Variants in PPFIA2 observed in about 807,000 individuals in gnomAD.
PPFIA2 encodes the protein liprin-alpha-2.
PPFIA2 carries 46 observed loss-of-function variants against 175.5 expected under a neutral mutation model. That is an observed-to-expected ratio of 0.26 (90% CI 0.21 to 0.34). PPFIA2 has a LOEUF of 0.34. PPFIA2 is among the 10% of genes least tolerant of loss of function. PPFIA2 has a pLI of 1.00. For missense variants in PPFIA2, 1,179 were observed against 1,506.1 expected, an observed-to-expected ratio of 0.78 and a Z score of 3.60; for synonymous variants, 568 against 511.4, an observed-to-expected ratio of 1.11 and a Z score of -1.49.
At chr12:81,285,322 G>T (rs1464206557) in intron 24 of PPFIA2, among the ~76,000 whole-genome samples, 1 of 151,958 alleles carries the variant, frequency 6.6e-6, no homozygotes, top group Non-Finnish European at 1.5e-5. Context: ...TTTGGGGAGG[G>T]TCCAATCTTT....
intron 4 of PPFIA2, among the ~76,000 whole-genome samples, chr12:81,492,866 GA>G (rs1360165050): frequency 6.6e-6 from 1 of 152,068 alleles, no homozygotes; most frequent in African/African-American, 2.4e-5. Context: ...AAATCAATGA[GA>G]GGACTATTGA....
intron 4 of PPFIA2, among the ~76,000 whole-genome samples, chr12:81,466,806 C>T (rs539136421): frequency 5.3e-5 from 8 of 151,168 alleles, no homozygotes; most frequent in Admixed American, 1.3e-4. Context: ...TGCATTGCTT[C>T]TGTGGGCCCT....
Position 81,331,051 on chromosome 12 carries a change from A to G in PPFIA2, c.2549-5181T>C, listed in dbSNP as rs1171746119. 3.3e-5 allele frequency among the ~76,000 whole-genome samples: 5 copies of G among 152,240 alleles called. No individual in the cohort carries two copies. The South Asian group carries it at 8.3e-4, about 25-fold the overall frequency. ...ATTGGTTCCTTAGCACCAAGGAACAATCTAAGTTTTGGCGTAAAGGCCGAC... is the reference window on the plus strand; with the variant it reads ...ATTGGTTCCTTAGCACCAAGGAACAGTCTAAGTTTTGGCGTAAAGGCCGAC... On this transcript the variant is annotated intron_variant, in intron 21 of 32. Coordinates refer to ENST00000549396, the MANE Select transcript of PPFIA2 (RefSeq NM_003625.5).
At chr12:81,330,037 G>T (rs1284744925) in intron 21 of PPFIA2, among the ~76,000 whole-genome samples, 1 of 152,178 alleles carries the variant, frequency 6.6e-6, no homozygotes, top group Admixed American at 6.5e-5. Flanking sequence ...CTAGATCTGT[G>T]GATGGAACTA....
chr12:81,713,373 C>T (rs972508822), intron 3 of PPFIA2, among the ~76,000 whole-genome samples: 1 of 150,994 alleles, frequency 6.6e-6, no homozygotes, highest in African/African-American at 2.4e-5. Flanking sequence ...ACTGCTTTTG[C>T]TATATACTCT....
At chr12:81,598,109 T>TG (rs2059436894) in intron 4 of PPFIA2, 1 of 1,528,094 alleles carries the variant, frequency 6.5e-7, no homozygotes, top group Admixed American at 2.0e-5. Context: ...GATAAATCCG[T>TG]GCATGCATTG....
At chr12:81,688,818 T>TATATATATAC (rs1324908529) in intron 3 of PPFIA2, among the ~76,000 whole-genome samples, 1 of 147,256 alleles carries the variant, frequency 6.8e-6, no homozygotes, top group East Asian at 2.0e-4. Flanking sequence ...TATATATATA[T>TATATATATAC]ATATATCTGC....
chr12:81,752,987 T>G (rs2153665986), intron 3 of PPFIA2, among the ~76,000 whole-genome samples: 1 of 151,384 alleles, frequency 6.6e-6, no homozygotes, highest in East Asian at 1.9e-4. Context: ...CAGGCTGGAG[T>G]GCAGTGGCGT....
intron 5 of PPFIA2, among the ~76,000 whole-genome samples, chr12:81,452,331 A>C (rs74879799): frequency 6.6e-6 from 1 of 152,326 alleles, no homozygotes; most frequent in East Asian, 1.9e-4. Flanking sequence ...ACAGAAACAC[A>C]TTCTTCCCTG....
chr12:81,440,119 A>G, intron 6 of PPFIA2, 73 bp from the exon 7 acceptor site: 1 of 1,112,158 alleles, frequency 9.0e-7, no homozygotes, highest in Non-Finnish European at 1.3e-6. Context: ...TCCATAATTA[A>G]CATCATCAGA....
At chr12:81,590,316 A>T (rs998370705) in intron 4 of PPFIA2, among the ~76,000 whole-genome samples, 3 of 152,192 alleles carry the variant, frequency 2.0e-5, no homozygotes, top group African/African-American at 7.2e-5. Context: ...AAATAATAGA[A>T]AAATAATGGC....
chr12:81,750,370 T>G (rs1370360227), intron 3 of PPFIA2, among the ~76,000 whole-genome samples: 1 of 143,022 alleles, frequency 7.0e-6, no homozygotes, highest in East Asian at 2.2e-4. Flanking sequence ...TGAGAATTAT[T>G]TAAGAGGTAC....
At chr12:81,548,376 CA>C (rs1250767778) in intron 4 of PPFIA2, among the ~76,000 whole-genome samples, 3 of 152,022 alleles carry the variant, frequency 2.0e-5, no homozygotes, top group African/African-American at 7.2e-5. Context: ...ATTAATATTT[CA>C]AAAAAAGCCA....
At chr12:81,362,832 C>A (rs17245804) in intron 14 of PPFIA2, 48 bp from the exon 15 acceptor site, 116,372 of 1,124,178 alleles carry the variant, frequency 0.1, 7,063 homozygotes, top group Middle Eastern at 0.13. Context: ...TATCAGCAAG[C>A]AATTATGATA....
In PPFIA2 at chr12:81,366,058, C is replaced by T. The variant is rs989802572; in HGVS notation, c.1545+1050G>A. ...CCCTCCCTCCCTCTTCCCTTTCCTT[C>T]CCTTCCCTTCCCTCCCTTCTTTCTT... On this transcript the variant is annotated intron_variant, in intron 14 of 32. Transcript: ENST00000549396. Among the ~76,000 whole-genome samples, 6 of 133,786 alleles carry T rather than the reference C, an allele frequency of 4.5e-5. No homozygotes were observed. The Admixed American group carries it at 5.0e-4, about 11-fold the overall frequency. The allele number at this position is 133,786 out of a possible 152,430, so 87.8% of individuals were successfully genotyped here. A position where few individuals can be genotyped will look rare whatever the true frequency, so the allele number is the denominator to read the frequency against.
At chr12:81,649,740 A>G (rs1003605995) in intron 4 of PPFIA2, among the ~76,000 whole-genome samples, 12 of 152,330 alleles carry the variant, frequency 7.9e-5, no homozygotes, top group African/African-American at 2.9e-4. Context: ...CACTACTGAT[A>G]CCGCAAAACC....
rs1337354068 is a variant in PPFIA2, at chr12:81,445,537, C to G, written c.570+19G>C. On this transcript the variant is annotated intron_variant, in intron 6 of 32. Coordinates refer to ENST00000549396, the MANE Select transcript of PPFIA2 (RefSeq NM_003625.5). The stretch of plus-strand genomic sequence containing the variant: ...TGACAGAAGTGTAGTTAAGCTTGAA[C>G]TCTTTTTCCATACTATACCTTTTCA... 1 of 1,606,050 alleles carries G rather than the reference C, an allele frequency of 6.2e-7. No homozygotes were observed. Among genetic ancestry groups the G allele is most frequent in the East Asian group, 2.2e-5 (1 of 44,600 alleles).
chr12:81,421,336 A>T (rs1461612571), intron 7 of PPFIA2, among the ~76,000 whole-genome samples: 4 of 152,092 alleles, frequency 2.6e-5, no homozygotes. Context: ...TAGAGATACA[A>T]AATTGTTAAT....
chr12:81,593,996 C>G (rs1432166884), intron 4 of PPFIA2, among the ~76,000 whole-genome samples: 1 of 152,110 alleles, frequency 6.6e-6, no homozygotes, highest in Admixed American at 6.6e-5. Flanking sequence ...ACTCACATTA[C>G]CGCCTGAGCT....
Sources: gnomAD v4.1 joint callset for allele counts (sites outside exome capture counted in the v4.1 genomes callset) on GRCh38, gnomAD v4.1.1 for gene constraint, MANE v1.5 for transcripts, NCBI Gene and HGNC (gene_info 2026-07-23, HGNC 2026-07-21) for gene names.